The following NAP1L4 variants were observed in gnomAD, a reference collection of about 807,000 sequenced individuals.
NAP1L4 encodes nucleosome assembly protein 1 like 4, also known as nucleosome assembly protein 1-like 4.
NAP1L4 carries 15 observed loss-of-function variants against 58.2 expected under a neutral mutation model. The ratio of observed to expected loss-of-function variants is 0.26; its 90% CI spans 0.17 to 0.40. The LOEUF (loss-of-function observed/expected upper bound fraction) is 0.40, where lower values mean the gene tolerates loss of function less well. Ranked by LOEUF, NAP1L4 falls within the 10% of genes least tolerant of loss-of-function variation. NAP1L4 has a pLI of 1.00. For synonymous variants in NAP1L4, 171 were observed against 155.6 expected (o/e 1.10, Z -0.74); for missense variants, 384 against 451.1 (o/e 0.85, Z 1.35).
intron 7 of NAP1L4, 40 bp from the exon 8 acceptor site, chr11:2,964,791 A>G: frequency 6.9e-7 from 1 of 1,458,508 alleles, no homozygotes; most frequent in South Asian, 1.2e-5. Flanking sequence ...AGGCTTTTAA[A>G]AAAACAACAC....
At position 2,954,443 on chromosome 11, in the gene NAP1L4, G is replaced by T; in HGVS notation, c.1035+84C>A. 1 of 1,591,382 alleles carries T rather than the reference G, an allele frequency of 6.3e-7. No individual in the cohort carries two copies. The highest frequency in any genetic ancestry group is 8.6e-7 in the Non-Finnish European group (1 of 1,160,280). ...TGTAATAAAAAGATTAGGCATGGGG[G>T]TTTCCTAAGCCACAATTCAGGGCCA... On this transcript the variant is annotated intron_variant, in intron 12 of 15. Coordinates refer to ENST00000380542, the MANE Select transcript of NAP1L4 (RefSeq NM_005969.4). The surrounding 1 kb of genome is among the most constrained non-coding windows in gnomAD (Gnocchi z 4.8).
chr11:2,973,848 A>G (rs2133979984), intron 4 of NAP1L4, among the ~76,000 whole-genome samples: 1 of 152,112 alleles, frequency 6.6e-6, no homozygotes, highest in South Asian at 2.1e-4. Flanking sequence ...GGCTCACTGT[A>G]GCCTCAACTT....
rs2133904909 is a variant in NAP1L4 at position 2,951,964 on chromosome 11, T to C, written c.1036-155A>G. 8 of 713,758 alleles carry C rather than the reference T, an allele frequency of 1.1e-5. No individual in the cohort carries two copies. The highest frequency in any genetic ancestry group is 2.2e-5 in the Admixed American group (1 of 46,260). 44.2% of individuals were successfully genotyped at this position (713,758 alleles called of 1,614,324 possible). ...GGGCCTCGCTTGCCTGAGGAGCCAT[T>C]TGCTTGTGTGCAGCGCATTTTAAAA... On this transcript the variant is annotated intron_variant, in intron 12 of 15. Transcript: ENST00000380542. This position sits in a 1 kb window ranked among gnomAD's most constrained non-coding sequence, Gnocchi z 4.0.
chr11:2,987,484 G>A (rs1031891692), intron 1 of NAP1L4, among the ~76,000 whole-genome samples: 41 of 151,140 alleles, frequency 2.7e-4, no homozygotes, highest in African/African-American at 1.0e-3. Context: ...GGCTGGGCAC[G>A]GTGGCTCACG....
At position 2,990,994 on chromosome 11, in the gene NAP1L4, T is replaced by C. The variant is rs547511234; in HGVS notation, c.-18+1260A>G. On this transcript the variant is annotated intron_variant, in intron 1 of 15. Coordinates refer to ENST00000380542, the MANE Select transcript of NAP1L4 (RefSeq NM_005969.4). ...AAAGTCTATTTTCACCCCGTAAACC[T>C]AATGCAGGAGGATAAGGCACGGGTT... The C allele has an allele frequency of 2.3e-3, 969 of 414,336 alleles. 24 individuals carry two copies. The highest frequency in any genetic ancestry group is 0.015 in the South Asian group (945 of 62,090). The allele number at this position is 414,336 out of a possible 1,614,324, so 25.7% of individuals were successfully genotyped here.
chr11:2,982,405 A>G (rs1207458738), intron 1 of NAP1L4, among the ~76,000 whole-genome samples: 1 of 152,240 alleles, frequency 6.6e-6, no homozygotes, highest in East Asian at 1.9e-4. Context: ...TAACACTGTC[A>G]GTTTAATGGA....
At chr11:2,969,701 G>C in intron 7 of NAP1L4, 102 bp downstream of exon 7, 6 of 1,353,568 alleles carry the variant, frequency 4.4e-6, no homozygotes, top group Non-Finnish European at 5.9e-6. Context: ...CGCCCACTAT[G>C]AACAATCTTT....
chr11:2,977,456 T>C (rs1207531214), intron 3 of NAP1L4, among the ~76,000 whole-genome samples: 1 of 152,210 alleles, frequency 6.6e-6, no homozygotes, highest in Non-Finnish European at 1.5e-5. Context: ...AAATCCAGAC[T>C]GTGAGCATTC....
In NAP1L4 at chr11:2,948,727, G is replaced by C. The variant is rs1221612584; in HGVS notation, c.*32+500C>G. ...GATAAAAAATGCTGGCACAGTAAAA[G>C]CTGTTACCCCTCTGTGTACCTATTG... On this transcript the variant is annotated intron_variant, in intron 15 of 15. Transcript: ENST00000380542. This position sits in a 1 kb window ranked among gnomAD's most constrained non-coding sequence, Gnocchi z 5.1. Among the ~76,000 whole-genome samples the C allele has an allele frequency of 6.6e-6, 1 of 152,204 alleles. No individual in the cohort carries two copies. Among genetic ancestry groups the C allele is most frequent in the African/African-American group, 2.4e-5 (1 of 41,448 alleles).
Position 2,951,476 on chromosome 11 carries a change from T to A in NAP1L4, c.1066-161A>T, listed in dbSNP as rs1410718679. On this transcript the variant is annotated intron_variant, in intron 13 of 15. Transcript: ENST00000380542. This position sits in a 1 kb window ranked among gnomAD's most constrained non-coding sequence, Gnocchi z 4.0. ...TCCTTTGGACACTTAGAATTATTTC[T>A]AGGTATCTTTTTGTTCTCACAGAGA... Among the ~76,000 whole-genome samples the A allele has an allele frequency of 6.6e-6, 1 of 152,230 alleles. No homozygotes were observed. Among genetic ancestry groups the A allele is most frequent in the Non-Finnish European group, 1.5e-5 (1 of 68,042 alleles).
chr11:2,958,158 T>A (rs1846656294), intron 10 of NAP1L4: 8 of 673,264 alleles, frequency 1.2e-5, no homozygotes, highest in Non-Finnish European at 1.9e-5. Context: ...CCAAGCAGAG[T>A]AAAGCTCTTC....
intron 8 of NAP1L4, among the ~76,000 whole-genome samples, chr11:2,962,503 A>G (rs756088584): frequency 1.3e-5 from 2 of 152,226 alleles, no homozygotes; most frequent in South Asian, 2.1e-4. Context: ...ATTTATCTTT[A>G]TAACTTAAAA....
chr11:2,991,908 G>C (rs565390610), intron 1 of NAP1L4: 1 of 152,118 alleles, frequency 6.6e-6, no homozygotes, highest in Non-Finnish European at 1.5e-5. Flanking sequence ...GCCTCTCGCC[G>C]TCTTCGCCTC....
rs1414580763 is a variant in NAP1L4, at chr11:2,951,770, T to C, written c.1065+10A>G. ...GGAGGTAAGTGGCACTGCATAAACC[T>C]GTCTCTTACCTCCTCTTCTCCTTCT... On this transcript the variant is annotated intron_variant, in intron 13 of 15. Coordinates refer to ENST00000380542, the MANE Select transcript of NAP1L4 (RefSeq NM_005969.4). The surrounding 1 kb of genome is among the most constrained non-coding windows in gnomAD (Gnocchi z 4.0). 6.2e-7 allele frequency: 1 copy of C among 1,613,902 alleles called. No individual in the cohort carries two copies. The highest frequency in any genetic ancestry group is 2.2e-5 in the East Asian group (1 of 44,882).
intron 1 of NAP1L4, 122 bp from the exon 2 acceptor site, chr11:2,979,359 T>G (rs1848165530): frequency 2.7e-6 from 2 of 736,326 alleles, no homozygotes; most frequent in Non-Finnish European, 4.5e-6. Context: ...GGGAACTTTC[T>G]AGAGTGATGA....
chr11:2,953,595 C>T (rs557416619), intron 12 of NAP1L4, among the ~76,000 whole-genome samples: 1 of 152,320 alleles, frequency 6.6e-6, no homozygotes, highest in South Asian at 2.1e-4. Flanking sequence ...AATCACCTCC[C>T]AACCTAGGGA....
At chr11:2,988,450 C>T (rs1848776259) in intron 1 of NAP1L4, among the ~76,000 whole-genome samples, 1 of 152,212 alleles carries the variant, frequency 6.6e-6, no homozygotes, top group South Asian at 2.1e-4. Flanking sequence ...GAAACAAGGA[C>T]AAAGACTTCT....
At chr11:2,957,212 C>G (rs1277196593) in intron 10 of NAP1L4, among the ~76,000 whole-genome samples, 1 of 152,164 alleles carries the variant, frequency 6.6e-6, no homozygotes, top group Non-Finnish European at 1.5e-5. Context: ...CTTCTTCACG[C>G]TGAATTCACA....
chr11:2,967,201 T>C lies in NAP1L4; in HGVS notation c.535-2450A>G, dbSNP rs1206369593. On this transcript the variant is annotated intron_variant, in intron 7 of 15. Coordinates refer to ENST00000380542, the MANE Select transcript of NAP1L4 (RefSeq NM_005969.4). The stretch of plus-strand genomic sequence containing the variant: ...AGGCCAGGAGACTGAGACAGCAGTG[T>C]CCTGACTGTGCCTATGAAAAGCCAC... Among the ~76,000 whole-genome samples the C allele has an allele frequency of 2.6e-5, 4 of 152,254 alleles. No individual in the cohort carries two copies. In the East Asian group the frequency reaches 5.8e-4, roughly 22 times the overall value.
Sources: gnomAD v4.1 joint callset for allele counts (sites outside exome capture counted in the v4.1 genomes callset) on GRCh38, gnomAD v4.1.1 for gene constraint, Gnocchi (gnomAD v3.1) non-coding constraint, MANE v1.5 for transcripts, NCBI Gene and HGNC (gene_info 2026-07-23, HGNC 2026-07-21) for gene names.